The following KCNK13 variants were observed in gnomAD, a reference collection of about 807,000 sequenced individuals.
KCNK13 encodes potassium two pore domain channel subfamily K member 13.
A neutral mutation model predicts 23.4 loss-of-function variants in KCNK13; 12 were observed. The ratio of observed to expected loss-of-function variants is 0.51; its 90% CI spans 0.33 to 0.83. KCNK13 has a LOEUF of 0.83. KCNK13 is among the 40% of genes least tolerant of loss of function. KCNK13 has a pLI of 0.02. For missense variants in KCNK13, 463 were observed against 556.3 expected, an observed-to-expected ratio of 0.83 and a Z score of 1.69; for synonymous variants, 231 against 229.5, an observed-to-expected ratio of 1.01 and a Z score of -0.06.
chr14:90,107,656 G>T, intron 1 of KCNK13: 1 of 669,536 alleles, frequency 1.5e-6, no homozygotes, highest in Non-Finnish European at 2.8e-6. Flanking sequence ...TCTTCCCAGG[G>T]GGACCGCAGC....
At chr14:90,164,787 A>C (rs1474034468) in intron 1 of KCNK13, among the ~76,000 whole-genome samples, 3 of 152,358 alleles carry the variant, frequency 2.0e-5, no homozygotes, top group African/African-American at 4.8e-5. Flanking sequence ...AAACCATAAA[A>C]GGTGAGAGAA....
At position 90,184,822 on chromosome 14, in the gene KCNK13, T is replaced by C. The variant is rs1336658600; in HGVS notation, c.1046T>C (p.Met349Thr). 1 of 1,613,670 alleles carries C rather than the reference T, an allele frequency of 6.2e-7. No individual in the cohort carries two copies. Among genetic ancestry groups the C allele is most frequent in the Admixed American group, 1.7e-5 (1 of 60,004 alleles). ...GRRLSGEMIS[M>T]KDLLAANKAS... ...CGGCTCTCAGGGGAGATGATCTCCA[T>C]GAAGGACTTGCTGGCAGCCAACAAG... The change falls in exon 2 of 2, where the codon ATG (methionine) becomes ACG (threonine). Residue 349 changes from methionine (M) to threonine (T), a missense_variant. By Grantham distance (81) the Met-to-Thr change is moderately conservative. Transcript: ENST00000282146. This position sits in a 1 kb window ranked among gnomAD's most constrained non-coding sequence, Gnocchi z 5.6.
chr14:90,062,554 C>T lies in KCNK13; in HGVS notation c.334+15C>T, dbSNP rs372299531. On this transcript the variant is annotated intron_variant, in intron 1 of 1. Transcript: ENST00000282146. The surrounding 1 kb of genome is among the most constrained non-coding windows in gnomAD (Gnocchi z 4.5). ...TTCCACCATAGGTAAGTGTGCTGGCCGGACTCGCTGACAACCTCCGGGCGG... is the reference window on the plus strand; with the variant it reads ...TTCCACCATAGGTAAGTGTGCTGGCTGGACTCGCTGACAACCTCCGGGCGG... 3.7e-5 allele frequency: 53 copies of T among 1,446,136 alleles called. No individual in the cohort carries two copies. The highest frequency in any genetic ancestry group is 4.4e-5 in the Non-Finnish European group (48 of 1,095,118). 89.6% of individuals were successfully genotyped at this position (1,446,136 alleles called of 1,614,324 possible).
intron 1 of KCNK13, among the ~76,000 whole-genome samples, chr14:90,085,671 T>A (rs1267813167): frequency 7.0e-6 from 1 of 142,386 alleles, no homozygotes; most frequent in Non-Finnish European, 1.5e-5. Context: ...AAAAAAAATA[T>A]ATATATATAT....
chr14:90,094,848 C>T (rs1485086076), intron 1 of KCNK13, among the ~76,000 whole-genome samples: 1 of 151,866 alleles, frequency 6.6e-6, no homozygotes, highest in Non-Finnish European at 1.5e-5. Context: ...GGGGTTTCAC[C>T]GTGTCAGCCA....
At chr14:90,149,494 G>T (rs1459180702) in intron 1 of KCNK13, among the ~76,000 whole-genome samples, 1 of 152,240 alleles carries the variant, frequency 6.6e-6, no homozygotes, top group Non-Finnish European at 1.5e-5. Flanking sequence ...ACATGCAGGG[G>T]AACTGCCCTT....
At chr14:90,143,175 C>CTTTCTTTCTTTCTTTCTTTCTTTCT (rs1555352142) in intron 1 of KCNK13, among the ~76,000 whole-genome samples, 3 of 60,024 alleles carry the variant, frequency 5.0e-5, no homozygotes, top group African/African-American at 1.1e-4. Context: ...TTCTTTCTTT[C>CTTTCTTTCTTTCTTTCTTTCTTTCT]TTTTCTTTTC....
intron 1 of KCNK13, among the ~76,000 whole-genome samples, chr14:90,162,465 A>G (rs931847446): frequency 6.6e-6 from 1 of 152,230 alleles, no homozygotes; most frequent in Admixed American, 6.5e-5. Flanking sequence ...TGGTAGTGAT[A>G]TTATGCTGTA....
rs546423368 is a variant in KCNK13 at position 90,101,790 on chromosome 14, C to CAAAAAAAAAAAAAAAAAAAAAAAAAA, written c.334+39273_334+39274insAAAAAAAAAAAAAAAAAAAAAAAAAA. 2.0e-4 allele frequency among the ~76,000 whole-genome samples: 11 copies of CAAAAAAAAAAAAAAAAAAAAAAAAAA among 55,580 alleles called. 1 individual carries two copies. Among genetic ancestry groups the CAAAAAAAAAAAAAAAAAAAAAAAAAA allele is most frequent in the African/African-American group, 3.3e-4 (5 of 15,152 alleles). 36.5% of individuals were successfully genotyped at this position (55,580 alleles called of 152,430 possible). A position where few individuals can be genotyped will look rare whatever the true frequency, so the allele number is the denominator to read the frequency against. The stretch of plus-strand genomic sequence containing the variant: ...GGGCAACAGAGTGAGACTCCGTCTC[C>CAAAAAAAAAAAAAAAAAAAAAAAAAA]AAAAAAAAAAAAAAAAAAAAAACCT... On this transcript the variant is annotated intron_variant, in intron 1 of 1. Coordinates refer to ENST00000282146, the MANE Select transcript of KCNK13 (RefSeq NM_022054.4).
At chr14:90,159,959 G>A (rs1400876857) in intron 1 of KCNK13, among the ~76,000 whole-genome samples, 1 of 151,774 alleles carries the variant, frequency 6.6e-6, no homozygotes, top group Non-Finnish European at 1.5e-5. Context: ...GTGTGTGTGT[G>A]TGTGTGTGTG....
chr14:90,112,311 C>G (rs1369267016), intron 1 of KCNK13, among the ~76,000 whole-genome samples: 1 of 152,188 alleles, frequency 6.6e-6, no homozygotes, highest in Non-Finnish European at 1.5e-5. Context: ...ATTTCACTCA[C>G]TTGACTCATC....
chr14:90,158,114 G>A (rs1890215360), intron 1 of KCNK13, among the ~76,000 whole-genome samples: 1 of 152,198 alleles, frequency 6.6e-6, no homozygotes, highest in African/African-American at 2.4e-5. Context: ...AAACCTTCAG[G>A]CTGATTGCAG....
At chr14:90,145,258 T>C (rs1890060050) in intron 1 of KCNK13, among the ~76,000 whole-genome samples, 1 of 151,922 alleles carries the variant, frequency 6.6e-6, no homozygotes, top group Non-Finnish European at 1.5e-5. Flanking sequence ...CCAGGTGTGG[T>C]GGTGCGCGCC....
At chr14:90,107,980 T>A in intron 1 of KCNK13, 1 of 720,376 alleles carries the variant, frequency 1.4e-6, no homozygotes, top group South Asian at 1.4e-5. Context: ...TAAAGCAGAT[T>A]GGAGTTTTGC....
intron 1 of KCNK13, among the ~76,000 whole-genome samples, chr14:90,158,345 T>A (rs193241652): frequency 2.0e-5 from 3 of 152,152 alleles, no homozygotes; most frequent in Admixed American, 2.0e-4. Context: ...GGGAAAGAGG[T>A]GGAAGAACAA....
intron 1 of KCNK13, among the ~76,000 whole-genome samples, chr14:90,122,449 G>GA (rs1889750484): frequency 2.6e-5 from 4 of 151,824 alleles, no homozygotes; most frequent in African/African-American, 7.3e-5. Context: ...TCAGCCTCAG[G>GA]CTGAGAATTC....
chr14:90,084,818 T>C (rs1043101238), intron 1 of KCNK13, among the ~76,000 whole-genome samples: 54 of 152,372 alleles, frequency 3.5e-4, no homozygotes, highest in African/African-American at 1.2e-3. Flanking sequence ...TGAATGTTTT[T>C]ATCACAAAGA....
chr14:90,114,218 T>C (rs1192593126), intron 1 of KCNK13, among the ~76,000 whole-genome samples: 2 of 152,162 alleles, frequency 1.3e-5, no homozygotes, highest in East Asian at 3.9e-4. Flanking sequence ...TGGACTTGTG[T>C]GTACTTCAAG....
At chr14:90,117,606 G>A (rs1225922586) in intron 1 of KCNK13, among the ~76,000 whole-genome samples, 1 of 151,982 alleles carries the variant, frequency 6.6e-6, no homozygotes, top group African/African-American at 2.4e-5. Flanking sequence ...AAAAAATTAG[G>A]AATTGTTTAT....
Sources: allele counts gnomAD v4.1 joint callset (sites outside exome capture counted in the v4.1 genomes callset), GRCh38; gene constraint gnomAD v4.1.1; non-coding constraint Gnocchi (gnomAD v3.1); transcripts MANE v1.5; gene names NCBI Gene and HGNC (gene_info 2026-07-23, HGNC 2026-07-21).